SEC14L1: variants seen among roughly 807,000 people sequenced by gnomAD.
SEC14L1 encodes SEC14-like protein 1.
In SEC14L1, 48 loss-of-function variants were observed where a neutral mutation model predicts 85.3. The observed-to-expected ratio is 0.56, with a 90% CI of 0.45 to 0.72. SEC14L1 has a LOEUF of 0.72. SEC14L1 is among the 30% of genes least tolerant of loss of function. SEC14L1 has a pLI of 0.00. For synonymous variants in SEC14L1, 391 were observed against 355.5 expected (o/e 1.10, Z -1.12); for missense variants, 682 against 921.4 (o/e 0.74, Z 3.36).
chr17:77,193,703 T>C (rs1645828426), intron 6 of SEC14L1, among the ~76,000 whole-genome samples, 154 bp downstream of exon 6: 1 of 152,198 alleles, frequency 6.6e-6, no homozygotes, highest in Non-Finnish European at 1.5e-5. Context: ...TCTTTAGGTA[T>C]AGGGGTTGAG....
In SEC14L1 at chr17:77,104,478, G is replaced by A. The variant is rs149514306; in HGVS notation, c.-136+11131G>A. On this transcript the variant is annotated intron_variant, in intron 3 of 19. Coordinates refer to the SEC14L1 transcript ENST00000392476. ...TTGTGAACCCAGAAAATCTGAGACA[G>A]TTCTCTGTTAATTTAGAAAGTTTAT... 2.5e-3 allele frequency among the ~76,000 whole-genome samples: 344 copies of A among 140,278 alleles called. 1 individual carries two copies. Among genetic ancestry groups the A allele is most frequent in the Non-Finnish European group, 3.7e-3 (239 of 64,416 alleles). 92.0% of individuals were successfully genotyped at this position (140,278 alleles called of 152,430 possible).
At chr17:77,150,263 C>A (rs1393524821) in intron 3 of SEC14L1, among the ~76,000 whole-genome samples, 1 of 152,160 alleles carries the variant, frequency 6.6e-6, no homozygotes, top group Admixed American at 6.5e-5. Context: ...CTGCCACAGA[C>A]CAGCTTTGTA....
intron 3 of SEC14L1, among the ~76,000 whole-genome samples, chr17:77,165,403 A>C (rs115016252): frequency 1.3e-5 from 2 of 152,114 alleles, no homozygotes; most frequent in Non-Finnish European, 2.9e-5. Flanking sequence ...TATATGTAAG[A>C]TGTACATTGG....
chr17:77,119,966 A>G (rs1972257508), intron 3 of SEC14L1, among the ~76,000 whole-genome samples: 3 of 152,174 alleles, frequency 2.0e-5, no homozygotes, highest in Admixed American at 2.0e-4. Flanking sequence ...CTCAGTCTGG[A>G]TTTGCCCTAA....
chr17:77,175,756 C>G (rs1174827516), intron 3 of SEC14L1, among the ~76,000 whole-genome samples: 1 of 152,172 alleles, frequency 6.6e-6, no homozygotes, highest in East Asian at 1.9e-4. Flanking sequence ...ATAATATTAT[C>G]AAGACTTTTC....
In SEC14L1 at chr17:77,213,582, G is replaced by C; in HGVS notation, c.2042+90G>C. Reference sequence around the variant, plus strand: ...TCCCACGCCGTGTGCAGGATCAGCAGTGGCGGCGGGTGTCAGGAATGCTTG... The same window carrying C: ...TCCCACGCCGTGTGCAGGATCAGCACTGGCGGCGGGTGTCAGGAATGCTTG... On this transcript the variant is annotated intron_variant, in intron 16 of 16. Transcript: ENST00000436233. This position sits in a 1 kb window ranked among gnomAD's most constrained non-coding sequence, Gnocchi z 7.1. 1 of 1,473,152 alleles carries C rather than the reference G, an allele frequency of 6.8e-7. No homozygotes were observed. The highest frequency in any genetic ancestry group is 9.3e-7 in the Non-Finnish European group (1 of 1,075,298). The allele number at this position is 1,473,152 out of a possible 1,614,324, so 91.3% of individuals were successfully genotyped here.
rs763804038 is a variant in SEC14L1 at position 77,157,222 on chromosome 17, T to G, written c.63+13563T>G. 2.0e-5 allele frequency among the ~76,000 whole-genome samples: 3 copies of G among 152,186 alleles called. No individual in the cohort carries two copies. In the East Asian group the frequency reaches 5.8e-4, roughly 29 times the overall value. ...TACATATTTTAAGAAGTAAATTGAT[T>G]TAAGTGGTCATTGGTATGTTGCAGG... On this transcript the variant is annotated intron_variant, in intron 3 of 16. Transcript: ENST00000436233.
intron 3 of SEC14L1, among the ~76,000 whole-genome samples, chr17:77,147,324 C>G (rs768309937): frequency 1.3e-5 from 2 of 151,932 alleles, no homozygotes; most frequent in African/African-American, 4.8e-5. Flanking sequence ...TTAATTGCAT[C>G]TCACTTGATT....
chr17:77,161,691 A>G (rs1425729341), intron 3 of SEC14L1, among the ~76,000 whole-genome samples: 1 of 146,076 alleles, frequency 6.8e-6, no homozygotes, highest in Non-Finnish European at 1.5e-5. Context: ...AATCCAAATC[A>G]GCTGGGTCCT....
At chr17:77,177,732 T>G (rs1598349948) in intron 3 of SEC14L1, among the ~76,000 whole-genome samples, 1 of 152,208 alleles carries the variant, frequency 6.6e-6, no homozygotes, top group South Asian at 2.1e-4. Flanking sequence ...AGCAGATGAT[T>G]ATTTTTCTTT....
rs374080471 is a variant in SEC14L1, at chr17:77,177,167, CAT to C, written c.64-13635_64-13634del. On this transcript the variant is annotated intron_variant, in intron 3 of 16. Coordinates refer to ENST00000436233, the MANE Select transcript of SEC14L1 (RefSeq NM_001143998.2). Reference sequence around the variant, plus strand: ...AAAGTTACTGAGACATCAAGGAACACATGTGACAGTGCTGAAGGACAAATGTA... The same window carrying C: ...AAAGTTACTGAGACATCAAGGAACACGTGACAGTGCTGAAGGACAAATGTA... Among the ~76,000 whole-genome samples, 102 of 151,630 alleles carry C rather than the reference CAT, an allele frequency of 6.7e-4. No homozygotes were observed. In the East Asian group the frequency reaches 0.017, roughly 25 times the overall value.
chr17:77,089,255 C>A, exon 2 of SEC14L1: 1 of 392,908 alleles, frequency 2.5e-6, no homozygotes, highest in Non-Finnish European at 5.0e-6. Flanking sequence ...TCGAAGTGAC[C>A]TCAGCAGGGC....
At chr17:77,185,990 A>G (rs1052308986) in intron 3 of SEC14L1, among the ~76,000 whole-genome samples, 2 of 152,248 alleles carry the variant, frequency 1.3e-5, no homozygotes, top group African/African-American at 4.8e-5. Flanking sequence ...GCAGATAAAT[A>G]TAAAGAATAT....
chr17:77,099,439 A>G (rs1288378348), intron 3 of SEC14L1, among the ~76,000 whole-genome samples: 1 of 152,100 alleles, frequency 6.6e-6, no homozygotes, highest in Non-Finnish European at 1.5e-5. Context: ...AGCCCCCCAT[A>G]AATCCTAAGG....
chr17:77,099,933 A>G (rs909084510), intron 3 of SEC14L1, among the ~76,000 whole-genome samples: 1 of 152,240 alleles, frequency 6.6e-6, no homozygotes, highest in African/African-American at 2.4e-5. Context: ...ATGCCCCAGC[A>G]TTACAACAAA....
intron 3 of SEC14L1, among the ~76,000 whole-genome samples, chr17:77,146,727 C>T (rs970910383): frequency 9.2e-5 from 14 of 151,808 alleles, no homozygotes; most frequent in Admixed American, 4.6e-4. Flanking sequence ...CACAGACGCA[C>T]ACACACGCAC....
At position 77,216,430 on chromosome 17, in the gene SEC14L1, G is replaced by C. The variant is rs1977100757; in HGVS notation, c.*2407G>C. 6.3e-7 allele frequency: 1 copy of C among 1,580,656 alleles called. No individual in the cohort carries two copies. Among genetic ancestry groups the C allele is most frequent in the East Asian group, 2.2e-5 (1 of 44,548 alleles). On this transcript the variant is annotated 3_prime_UTR_variant, in exon 17 of 17. Coordinates refer to ENST00000436233, the MANE Select transcript of SEC14L1 (RefSeq NM_001143998.2). ...GGTTCGTAGGTAGGGTTCGTAGGTAGGGTTCGTAGGTAGGGTTAGTAGCGC... is the reference window on the plus strand; with the variant it reads ...GGTTCGTAGGTAGGGTTCGTAGGTACGGTTCGTAGGTAGGGTTAGTAGCGC...
intron 13 of SEC14L1, among the ~76,000 whole-genome samples, chr17:77,208,251 A>G (rs1976565096): frequency 6.6e-6 from 1 of 152,218 alleles, no homozygotes; most frequent in Admixed American, 6.5e-5. Context: ...TGCAAAGAGC[A>G]AGTAAGTTAC....
chr17:77,184,025 A>AT (rs1212390258), intron 3 of SEC14L1, among the ~76,000 whole-genome samples: 2 of 152,070 alleles, frequency 1.3e-5, no homozygotes, highest in African/African-American at 2.4e-5. Flanking sequence ...ACCTCAGGTG[A>AT]TTCGCTTGCC....
Sources: allele counts gnomAD v4.1 joint callset (sites outside exome capture counted in the v4.1 genomes callset), GRCh38; gene constraint gnomAD v4.1.1; non-coding constraint Gnocchi (gnomAD v3.1); transcripts MANE v1.5; gene names NCBI Gene and HGNC (gene_info 2026-07-23, HGNC 2026-07-21).